Variants in PLCG2 observed in about 807,000 individuals in gnomAD.
PLCG2 encodes the protein 1-phosphatidylinositol 4,5-bisphosphate phosphodiesterase gamma-2.
Under a neutral mutation model 175.6 loss-of-function variants are expected in PLCG2, and 69 were observed. The ratio of observed to expected loss-of-function variants is 0.39; its 90% CI spans 0.32 to 0.48. PLCG2 has a LOEUF of 0.48. Among genes scored for constraint, PLCG2 ranks in the 20% least tolerant of loss-of-function variants. The pLI, the probability that PLCG2 is intolerant of heterozygous loss-of-function variation, is 0.91. For synonymous variants in PLCG2, 827 were observed against 624.0 expected (o/e 1.33, Z -4.85); for missense variants, 1,798 against 1,650.9 (o/e 1.09, Z -1.54).
intron 1 of PLCG2, among the ~76,000 whole-genome samples, chr16:81,744,603 G>GTT (rs11435815): frequency 3.5e-4 from 53 of 151,836 alleles, no homozygotes; most frequent in Admixed American, 1.1e-3. Flanking sequence ...AGGCAAGTTT[G>GTT]TTTTTTTTAA....
At chr16:81,871,683 A>T (rs1356922656) in intron 7 of PLCG2, among the ~76,000 whole-genome samples, 1 of 152,094 alleles carries the variant, frequency 6.6e-6, no homozygotes, top group Non-Finnish European at 1.5e-5. Flanking sequence ...ATATTTTTTG[A>T]TTAAAATAAT....
intron 2 of PLCG2, among the ~76,000 whole-genome samples, chr16:81,826,020 C>T (rs1015414061): frequency 3.9e-5 from 6 of 152,190 alleles, no homozygotes; most frequent in Non-Finnish European, 7.4e-5. Context: ...GTTGTCTGGT[C>T]GCACTGGGTA....
At chr16:81,861,200 T>G (rs2143499773) in intron 5 of PLCG2, among the ~76,000 whole-genome samples, 1 of 152,330 alleles carries the variant, frequency 6.6e-6, no homozygotes, top group East Asian at 1.9e-4. Flanking sequence ...TTTCATTCAT[T>G]CTTGATTTAT....
intron 5 of PLCG2, chr16:81,859,369 A>C: frequency 3.7e-6 from 2 of 534,122 alleles, no homozygotes; most frequent in South Asian, 4.7e-5. Flanking sequence ...AGAAAATTCA[A>C]GTACAGCCTC....
chr16:81,828,571 G>T (rs1475513360), intron 2 of PLCG2, among the ~76,000 whole-genome samples: 1 of 152,106 alleles, frequency 6.6e-6, no homozygotes, highest in Non-Finnish European at 1.5e-5. Context: ...GCTGTGGTGT[G>T]GTGCCTCTTC....
At position 81,893,786 on chromosome 16, in the gene PLCG2, G is replaced by A; in HGVS notation, c.1064G>A (p.Cys355Tyr). The A allele has an allele frequency of 6.2e-7, 1 of 1,607,364 alleles. No homozygotes were observed. Residue 355 changes from cysteine (C) to tyrosine (Y), a missense_variant, in exon 12 of 33, where the codon TGC (cysteine) becomes TAC (tyrosine). By Grantham distance (194) the Cys-to-Tyr change is radical (BLOSUM62 -2). Transcript: ENST00000564138. Reference sequence around the variant, plus strand: ...CGCTGCCTGCGCATGGGCTGTCGCTGCATTGAACGTGAGTAGCTCCTTCTT... The same window carrying A: ...CGCTGCCTGCGCATGGGCTGTCGCTACATTGAACGTGAGTAGCTCCTTCTT... ...YIRCLRMGCR[C>Y]IELDCWDGPD...
chr16:81,958,081 G>C lies in PLCG2; in HGVS notation c.*83G>C. On this transcript the variant is annotated 3_prime_UTR_variant, in exon 33 of 33. Transcript: ENST00000564138. ...GAGAACGTGCCCTATTCACACTCTG[G>C]GAAGACGCTAATCTGTGACATCTTT... 4 of 948,102 alleles carry C rather than the reference G, an allele frequency of 4.2e-6. No homozygotes were observed. The highest frequency in any genetic ancestry group is 6.9e-6 in the Non-Finnish European group (4 of 579,708). 58.7% of individuals were successfully genotyped at this position (948,102 alleles called of 1,614,324 possible).
intron 2 of PLCG2, among the ~76,000 whole-genome samples, chr16:81,844,192 C>T (rs1353886911): frequency 1.5e-5 from 2 of 130,192 alleles, no homozygotes; most frequent in African/African-American, 5.7e-5. Context: ...GACGAGGTTT[C>T]ACGTGTTAGC....
chr16:81,845,683 G>A (rs1039098579), intron 2 of PLCG2, among the ~76,000 whole-genome samples: 2 of 152,222 alleles, frequency 1.3e-5, no homozygotes, highest in Admixed American at 6.5e-5. Context: ...CAGTGGGCCT[G>A]ACCGCTCTCT....
chr16:81,889,347 C>T, intron 10 of PLCG2, 74 bp downstream of exon 10: 1 of 807,122 alleles, frequency 1.2e-6, no homozygotes, highest in Non-Finnish European at 2.1e-6. Context: ...GGTTTATTTT[C>T]TGTTTGTCTT....
At chr16:81,856,063 C>G (rs1906666674) in intron 3 of PLCG2, among the ~76,000 whole-genome samples, 1 of 152,178 alleles carries the variant, frequency 6.6e-6, no homozygotes, top group South Asian at 2.1e-4. Context: ...ATATCCCACT[C>G]TTGGTCCCTC....
At chr16:81,815,021 T>C (rs538365203) in intron 2 of PLCG2, among the ~76,000 whole-genome samples, 3 of 152,376 alleles carry the variant, frequency 2.0e-5, no homozygotes, top group South Asian at 2.1e-4. Flanking sequence ...TTCCAGTGGC[T>C]GTTCCAGCCT....
intron 2 of PLCG2, among the ~76,000 whole-genome samples, chr16:81,773,197 T>A (rs924164588): frequency 6.6e-6 from 1 of 152,196 alleles, no homozygotes; most frequent in Non-Finnish European, 1.5e-5. Context: ...TGTACTCTTT[T>A]CAGTCTCTTC....
chr16:81,902,629 C>A (rs548560632), intron 14 of PLCG2, among the ~76,000 whole-genome samples: 2 of 152,104 alleles, frequency 1.3e-5, no homozygotes, highest in African/African-American at 4.8e-5. Context: ...TATGAGAGCT[C>A]TACCCTCATT....
chr16:81,794,409 G>A (rs1911372754), intron 2 of PLCG2, among the ~76,000 whole-genome samples: 1 of 152,056 alleles, frequency 6.6e-6, no homozygotes, highest in Non-Finnish European at 1.5e-5. Context: ...ATTGTCTGAG[G>A]GTGGTCCCCA....
intron 3 of PLCG2, among the ~76,000 whole-genome samples, chr16:81,856,914 C>T (rs956903516): frequency 1.3e-5 from 2 of 152,134 alleles, no homozygotes; most frequent in African/African-American, 2.4e-5. Flanking sequence ...AAACAAAGGT[C>T]AGCAGATGAG....
chr16:81,739,776 G>A (rs995323627), intron 1 of PLCG2: 1 of 152,244 alleles, frequency 6.6e-6, no homozygotes, highest in African/African-American at 2.4e-5. Flanking sequence ...TCCATGAAAT[G>A]GGCATGATGA....
Position 81,918,942 on chromosome 16 carries a change from C to T in PLCG2, c.2055-542C>T, listed in dbSNP as rs528693763. 7.3e-5 allele frequency among the ~76,000 whole-genome samples: 11 copies of T among 151,582 alleles called. No individual in the cohort carries two copies. The East Asian group carries it at 1.5e-3, about 21-fold the overall frequency. On this transcript the variant is annotated intron_variant, in intron 19 of 32. Coordinates refer to ENST00000564138, the MANE Select transcript of PLCG2 (RefSeq NM_002661.5). The stretch of plus-strand genomic sequence containing the variant: ...GTCACTGTTTTGCTAGTTGAGTCAC[C>T]GAAGACAAGATTTAATAATTTTGAG...
At chr16:81,852,975 C>A (rs780172042) in intron 2 of PLCG2, among the ~76,000 whole-genome samples, 41 of 152,188 alleles carry the variant, frequency 2.7e-4, no homozygotes, top group Non-Finnish European at 4.7e-4. Context: ...GGTAGTCTGA[C>A]TTCTTACACA....
Sources: gnomAD v4.1 joint callset for allele counts (sites outside exome capture counted in the v4.1 genomes callset) on GRCh38, gnomAD v4.1.1 for gene constraint, MANE v1.5 for transcripts, NCBI Gene and HGNC (gene_info 2026-07-23, HGNC 2026-07-21) for gene names.